The following IFNAR1 variants were observed in gnomAD, a reference collection of about 807,000 sequenced individuals.
The protein encoded by IFNAR1 is interferon alpha/beta receptor 1.
In IFNAR1, 47 loss-of-function variants were observed where a neutral mutation model predicts 62.1. The ratio of observed to expected loss-of-function variants is 0.76; its 90% CI spans 0.60 to 0.97. IFNAR1 has a LOEUF of 0.97. Among genes scored for constraint, IFNAR1 ranks in the 50% least tolerant of loss-of-function variants. IFNAR1 has a pLI of 0.00. For synonymous variants in IFNAR1, 219 were observed against 226.9 expected, an observed-to-expected ratio of 0.97 and a Z score of 0.31; for missense variants, 638 against 654.5, an observed-to-expected ratio of 0.97 and a Z score of 0.27.
intron 1 of IFNAR1, among the ~76,000 whole-genome samples, chr21:33,325,842 G>A (rs2083121505): frequency 6.6e-6 from 1 of 152,200 alleles, no homozygotes; most frequent in Non-Finnish European, 1.5e-5. Flanking sequence ...TTATGCAGAT[G>A]CCTCTGGGTA....
At chr21:33,346,471 C>T (rs2083347996) in intron 6 of IFNAR1, among the ~76,000 whole-genome samples, 1 of 152,174 alleles carries the variant, frequency 6.6e-6, no homozygotes. Flanking sequence ...CATATATAAC[C>T]TCACAAACCA....
chr21:33,333,845 G>A (rs909693644), intron 1 of IFNAR1, among the ~76,000 whole-genome samples: 5 of 151,708 alleles, frequency 3.3e-5, no homozygotes, highest in African/African-American at 9.7e-5. Context: ...GGATGGTCTC[G>A]ATCTCCTGAC....
chr21:33,339,711 G>A (rs2083275830), intron 2 of IFNAR1, among the ~76,000 whole-genome samples: 1 of 151,720 alleles, frequency 6.6e-6, no homozygotes, highest in Non-Finnish European at 1.5e-5. Context: ...CACCTGAGGT[G>A]AGGAGTTTAA....
At chr21:33,348,006 C>A (rs377154436) in intron 6 of IFNAR1, among the ~76,000 whole-genome samples, 35 of 152,098 alleles carry the variant, frequency 2.3e-4, no homozygotes, top group African/African-American at 8.2e-4. Context: ...GTGCATGCGG[C>A]GACATGGTAT....
intron 1 of IFNAR1, among the ~76,000 whole-genome samples, chr21:33,333,628 T>TCC (rs1568926407): frequency 4.1e-5 from 3 of 73,014 alleles, no homozygotes; most frequent in Non-Finnish European, 8.5e-5. Flanking sequence ...TTTTTTTTCT[T>TCC]TTTTTTTTTT....
chr21:33,339,985 C>G (rs2083279545), intron 2 of IFNAR1, among the ~76,000 whole-genome samples: 1 of 151,444 alleles, frequency 6.6e-6, no homozygotes, highest in South Asian at 2.1e-4. Context: ...CCCTCACTTT[C>G]CCTGCAAGCT....
At chr21:33,337,455 A>G (rs1358037355) in intron 2 of IFNAR1, among the ~76,000 whole-genome samples, 1 of 152,022 alleles carries the variant, frequency 6.6e-6, no homozygotes, top group East Asian at 1.9e-4. Context: ...TCCCCTGTCC[A>G]AGAAAAAGCA....
intron 2 of IFNAR1, among the ~76,000 whole-genome samples, chr21:33,339,489 C>T (rs971112910): frequency 6.6e-6 from 1 of 152,040 alleles, no homozygotes. Flanking sequence ...ATATCTAAAT[C>T]GTCTTTAAAA....
At position 33,353,777 on chromosome 21, in the gene IFNAR1, A is replaced by AGAT. The variant is rs564430745; in HGVS notation, c.1437_1439dup (p.Asp479dup). The stretch of plus-strand genomic sequence containing the variant: ...CATCACTTAAACCTTCTTCCAGTAT[A>AGAT]GATGAGGTATGTTACTTTTTTTATT... On this transcript the variant is annotated inframe_insertion, in exon 10 of 11. Coordinates refer to ENST00000270139, the MANE Select transcript of IFNAR1 (RefSeq NM_000629.3). 246 of 1,563,408 alleles carry AGAT rather than the reference A, an allele frequency of 1.6e-4. 1 individual carries two copies. In the African/African-American group the frequency reaches 2.8e-3, roughly 18 times the overall value.
At chr21:33,327,699 T>A (rs1413273804) in intron 1 of IFNAR1, among the ~76,000 whole-genome samples, 1 of 152,190 alleles carries the variant, frequency 6.6e-6, no homozygotes, top group Non-Finnish European at 1.5e-5. Context: ...CTTAGAAAGT[T>A]TATTTTGCCA....
intron 1 of IFNAR1, among the ~76,000 whole-genome samples, chr21:33,332,976 A>T (rs980602679): frequency 1.3e-5 from 2 of 152,234 alleles, no homozygotes; most frequent in Admixed American, 1.3e-4. Context: ...GTCTGGAGAG[A>T]GATACAGACA....
At chr21:33,331,666 G>A (rs1040478621) in intron 1 of IFNAR1, among the ~76,000 whole-genome samples, 1 of 152,022 alleles carries the variant, frequency 6.6e-6, no homozygotes, top group African/African-American at 2.4e-5. Context: ...GCTACACTTG[G>A]CCTCACAGTC....
At chr21:33,328,777 G>T (rs192765688) in intron 1 of IFNAR1, among the ~76,000 whole-genome samples, 1 of 152,012 alleles carries the variant, frequency 6.6e-6, no homozygotes, top group Non-Finnish European at 1.5e-5. Context: ...CATTTTGGTC[G>T]TGAAAATGAA....
chr21:33,357,487 A>C lies in IFNAR1; in HGVS notation c.*1938A>C, dbSNP rs922659771. On this transcript the variant is annotated 3_prime_UTR_variant, in exon 11 of 11. Transcript: ENST00000270139. Reference sequence around the variant, plus strand: ...CATCTGAGAACCCACTCTCTGCCGGAGAACCCCATGGTGACACATTTTCAT... The same window carrying C: ...CATCTGAGAACCCACTCTCTGCCGGCGAACCCCATGGTGACACATTTTCAT... The C allele has an allele frequency of 6.6e-6, 1 of 151,358 alleles. No homozygotes were observed. Among genetic ancestry groups the C allele is most frequent in the African/African-American group, 2.4e-5 (1 of 41,054 alleles). The allele number at this position is 151,358 out of a possible 1,614,324, so 9.4% of individuals were successfully genotyped here. A position where few individuals can be genotyped will look rare whatever the true frequency, so the allele number is the denominator to read the frequency against.
chr21:33,336,094 C>T (rs1356961377), intron 2 of IFNAR1, among the ~76,000 whole-genome samples: 4 of 141,746 alleles, frequency 2.8e-5, no homozygotes, highest in African/African-American at 1.1e-4. Context: ...CCACAACAGG[C>T]CCCAGAGTGT....
intron 8 of IFNAR1, among the ~76,000 whole-genome samples, 153 bp downstream of exon 8, chr21:33,349,696 G>A (rs565144843): frequency 2.6e-5 from 4 of 152,118 alleles, no homozygotes; most frequent in Non-Finnish European, 5.9e-5. Flanking sequence ...AGGCCAAGGC[G>A]AGAGGATCAC....
intron 1 of IFNAR1, among the ~76,000 whole-genome samples, chr21:33,329,482 A>C (rs2083156797): frequency 6.6e-6 from 1 of 151,924 alleles, no homozygotes; most frequent in African/African-American, 2.4e-5. Context: ...AAAAAAAAAA[A>C]GTGTTTTCTC....
At position 33,358,614 on chromosome 21, in the gene IFNAR1, T is replaced by A. The variant is rs1159723290; in HGVS notation, c.*3065T>A. On this transcript the variant is annotated 3_prime_UTR_variant, in exon 11 of 11. Transcript: ENST00000270139. Reference sequence around the variant, plus strand: ...GACTTAAAGTACTTATTCATATACCTTGTAACTAAAAATTAGAACAGCTCC... The same window carrying A: ...GACTTAAAGTACTTATTCATATACCATGTAACTAAAAATTAGAACAGCTCC... 1.3e-5 allele frequency: 2 copies of A among 152,104 alleles called. No homozygotes were observed. Among genetic ancestry groups the A allele is most frequent in the Non-Finnish European group, 1.5e-5 (1 of 68,034 alleles). The allele number at this position is 152,104 out of a possible 1,614,324, so 9.4% of individuals were successfully genotyped here. A position where few individuals can be genotyped will look rare whatever the true frequency, so the allele number is the denominator to read the frequency against.
At chr21:33,332,977 G>A (rs1229603777) in intron 1 of IFNAR1, among the ~76,000 whole-genome samples, 1 of 152,184 alleles carries the variant, frequency 6.6e-6, no homozygotes, top group African/African-American at 2.4e-5. Context: ...TCTGGAGAGA[G>A]ATACAGACAT....
Sources: allele counts gnomAD v4.1 joint callset (sites outside exome capture counted in the v4.1 genomes callset), GRCh38; gene constraint gnomAD v4.1.1; transcripts MANE v1.5; gene names NCBI Gene and HGNC (gene_info 2026-07-23, HGNC 2026-07-21).